Variants in CHP1 observed in about 807,000 individuals in gnomAD.
CHP1 encodes the protein calcineurin like EF-hand protein 1.
Under a neutral mutation model 27.4 loss-of-function variants are expected in CHP1, and 11 were observed. The ratio of observed to expected loss-of-function variants is 0.40; its 90% CI spans 0.25 to 0.67. The LOEUF is 0.67. CHP1 is among the 30% of genes least tolerant of loss of function. The probability of loss-of-function intolerance (pLI) is 0.38; values close to 1 mark genes in which losing one functional copy is unlikely to be tolerated. For missense variants in CHP1, 169 were observed against 251.3 expected (o/e 0.67, Z 2.22); for synonymous variants, 89 against 87.4 (o/e 1.02, Z -0.10).
At chr15:41,243,291 G>A (rs969188141) in intron 1 of CHP1, among the ~76,000 whole-genome samples, 1 of 152,208 alleles carries the variant, frequency 6.6e-6, no homozygotes, top group African/African-American at 2.4e-5. Flanking sequence ...CAGTGAGTGA[G>A]ATCGTGCCAC....
In CHP1 at chr15:41,281,476, G is replaced by A. The variant is rs1238845858; in HGVS notation, c.*2087G>A. On this transcript the variant is annotated 3_prime_UTR_variant, in exon 7 of 7. Coordinates refer to ENST00000334660, the MANE Select transcript of CHP1 (RefSeq NM_007236.5). Reference sequence around the variant, plus strand: ...TATGAGTGTATTTAGCCACACATCTGCCCTTGGTTGACTTTCTGACTCATT... The same window carrying A: ...TATGAGTGTATTTAGCCACACATCTACCCTTGGTTGACTTTCTGACTCATT... The A allele has an allele frequency of 6.6e-6, 1 of 152,646 alleles. No individual in the cohort carries two copies. The highest frequency in any genetic ancestry group is 1.5e-5 in the Non-Finnish European group (1 of 68,054). The allele number at this position is 152,646 out of a possible 1,614,324, so 9.5% of individuals were successfully genotyped here. A position where few individuals can be genotyped will look rare whatever the true frequency, so the allele number is the denominator to read the frequency against.
Position 41,243,755 on chromosome 15 carries a change from C to G in CHP1, c.140+16C>G, listed in dbSNP as rs1386036842. ...GGACTCTCAGGTAGGCAGTGTTTTT[C>G]TTTATTTTCCTCACAGAAACCAGAA... On this transcript the variant is annotated intron_variant, in intron 2 of 6. Coordinates refer to ENST00000334660, the MANE Select transcript of CHP1 (RefSeq NM_007236.5). The G allele has an allele frequency of 8.1e-6, 13 of 1,611,456 alleles. No individual in the cohort carries two copies. The highest frequency in any genetic ancestry group is 1.1e-5 in the Non-Finnish European group (13 of 1,177,910).
At position 41,256,890 on chromosome 15, in the gene CHP1, C is replaced by G. The variant is rs747317947; in HGVS notation, c.141-20C>G. ...TAAGGGCAATGATCTCTATCTAACT[C>G]AAGGTGATTCTCTTGGCAGCCGGGA... On this transcript the variant is annotated intron_variant, in intron 2 of 6. Coordinates refer to ENST00000334660, the MANE Select transcript of CHP1 (RefSeq NM_007236.5). 5.0e-6 allele frequency: 8 copies of G among 1,610,686 alleles called. No homozygotes were observed. In the Admixed American group the frequency reaches 8.3e-5, roughly 17 times the overall value.
intron 1 of CHP1, among the ~76,000 whole-genome samples, chr15:41,236,569 C>CG (rs1443131199): frequency 3.3e-5 from 5 of 151,950 alleles, no homozygotes; most frequent in African/African-American, 9.7e-5. Flanking sequence ...AACTTTTTTG[C>CG]GGGGGCAAGG....
chr15:41,252,385 T>A (rs2047374116), intron 2 of CHP1, among the ~76,000 whole-genome samples: 1 of 151,900 alleles, frequency 6.6e-6, no homozygotes, highest in African/African-American at 2.4e-5. Context: ...GCCAGGCTCG[T>A]GTCTAACTCC....
Position 41,231,314 on chromosome 15 carries a change from C to A in CHP1, c.-69C>A. ...CTTCTTGACCCCTAGCCCTTCCTTC[C>A]CTCCCTCCTTCCCTCCTGTCGCCGT... On this transcript the variant is annotated 5_prime_UTR_variant, in exon 1 of 7. Transcript: ENST00000334660. 1 of 1,449,292 alleles carries A rather than the reference C, an allele frequency of 6.9e-7. No homozygotes were observed. Among genetic ancestry groups the A allele is most frequent in the East Asian group, 2.4e-5 (1 of 40,878 alleles). The allele number at this position is 1,449,292 out of a possible 1,614,324, so 89.8% of individuals were successfully genotyped here.
intron 5 of CHP1, among the ~76,000 whole-genome samples, chr15:41,274,355 G>A (rs1386336708): frequency 1.3e-5 from 2 of 152,188 alleles, no homozygotes; most frequent in Admixed American, 1.3e-4. Context: ...CATGCCACTG[G>A]TTCCTGGGAC....
rs1257256932 is a variant in CHP1, at chr15:41,246,848, A to G, written c.140+3109A>G. Among the ~76,000 whole-genome samples the G allele has an allele frequency of 3.3e-5, 5 of 150,776 alleles. 1 individual carries two copies. The highest frequency in any genetic ancestry group is 7.4e-5 in the Non-Finnish European group (5 of 67,770). On this transcript the variant is annotated intron_variant, in intron 2 of 6. Transcript: ENST00000334660. The stretch of plus-strand genomic sequence containing the variant: ...TGAACCTGGGAGGCGAGATCACGCT[A>G]CTGCACTCCAGCCTGGGAGACACAG...
chr15:41,253,951 A>AT (rs111456903), intron 2 of CHP1, among the ~76,000 whole-genome samples: 109 of 142,016 alleles, frequency 7.7e-4, no homozygotes, highest in East Asian at 1.0e-3. Flanking sequence ...TGCCTGGCTA[A>AT]TTTTTTTTTT....
intron 2 of CHP1, among the ~76,000 whole-genome samples, chr15:41,244,218 G>A (rs867368833): frequency 2.7e-5 from 4 of 150,330 alleles, no homozygotes; most frequent in Non-Finnish European, 4.4e-5. Flanking sequence ...AAAAAACAGC[G>A]GAACTATGAC....
At chr15:41,260,053 T>C (rs958743636) in intron 3 of CHP1, among the ~76,000 whole-genome samples, 2 of 152,208 alleles carry the variant, frequency 1.3e-5, no homozygotes. Flanking sequence ...TGAGTACAGA[T>C]GGCTCACAGG....
intron 5 of CHP1, among the ~76,000 whole-genome samples, chr15:41,275,924 G>T (rs962090219): frequency 6.6e-6 from 1 of 151,940 alleles, no homozygotes; most frequent in Admixed American, 6.6e-5. Flanking sequence ...CACCATGCCC[G>T]GCCCATGAAA....
intron 2 of CHP1, among the ~76,000 whole-genome samples, chr15:41,245,919 A>AGGGCTTTAT (rs968708061): frequency 1.3e-5 from 2 of 152,136 alleles, no homozygotes; most frequent in Admixed American, 1.3e-4. Context: ...TCTTCTTGTA[A>AGGGCTTTAT]GGGCTTTATG....
intron 1 of CHP1, among the ~76,000 whole-genome samples, chr15:41,237,162 T>A (rs1206648002): frequency 6.8e-6 from 1 of 146,596 alleles, no homozygotes; most frequent in Non-Finnish European, 1.5e-5. Context: ...TTTTTTTTAA[T>A]TGAGATGGAG....
At chr15:41,254,867 A>T (rs886476146) in intron 2 of CHP1, among the ~76,000 whole-genome samples, 3 of 152,344 alleles carry the variant, frequency 2.0e-5, no homozygotes, top group African/African-American at 7.2e-5. Context: ...TATACATTTT[A>T]TCTGTCTGTA....
chr15:41,278,964 G>C (rs1191238504), intron 6 of CHP1, 75 bp downstream of exon 6: 7 of 1,585,544 alleles, frequency 4.4e-6, no homozygotes, highest in Non-Finnish European at 6.0e-6. Flanking sequence ...TGTAATCCCA[G>C]CACTTTAGGA....
intron 2 of CHP1, among the ~76,000 whole-genome samples, chr15:41,250,317 T>A (rs2047358953): frequency 6.6e-6 from 1 of 152,192 alleles, no homozygotes; most frequent in African/African-American, 2.4e-5. Context: ...AATATAAATA[T>A]ACACTGTAAC....
At chr15:41,264,464 G>A (rs1438718234) in intron 4 of CHP1, among the ~76,000 whole-genome samples, 2 of 152,114 alleles carry the variant, frequency 1.3e-5, no homozygotes. Context: ...TTTTGAGATA[G>A]GGTCTCACTC....
chr15:41,256,743 G>C, intron 2 of CHP1, 167 bp from the exon 3 acceptor site: 1 of 620,948 alleles, frequency 1.6e-6, no homozygotes, highest in Non-Finnish European at 2.9e-6. Flanking sequence ...AGAAACACTT[G>C]GCAGCTATTA....
Sources: allele counts gnomAD v4.1 joint callset (sites outside exome capture counted in the v4.1 genomes callset), GRCh38; gene constraint gnomAD v4.1.1; transcripts MANE v1.5; gene names NCBI Gene and HGNC (gene_info 2026-07-23, HGNC 2026-07-21).